CDH20: variants seen among roughly 807,000 people sequenced by gnomAD.
CDH20 encodes cadherin-20.
In CDH20, 29 loss-of-function variants were observed where a neutral mutation model predicts 74.2. The observed-to-expected ratio is 0.39, with a 90% CI of 0.29 to 0.53. CDH20 has a LOEUF of 0.53. Among genes scored for constraint, CDH20 ranks in the 20% least tolerant of loss-of-function variants. The pLI, the probability that CDH20 is intolerant of heterozygous loss-of-function variation, is 0.69. For missense variants in CDH20, 988 were observed against 1,048.3 expected (o/e 0.94, Z 0.79); for synonymous variants, 469 against 405.4 (o/e 1.16, Z -1.88).
At chr18:61,470,651 G>C (rs746103854) in intron 1 of CDH20, among the ~76,000 whole-genome samples, 5 of 152,114 alleles carry the variant, frequency 3.3e-5, no homozygotes, top group Non-Finnish European at 7.4e-5. Context: ...ACCAGATAGA[G>C]AAAGGACAAA....
chr18:61,538,614 G>GTTTTTTTTTTTTT (rs541920246), intron 8 of CDH20, among the ~76,000 whole-genome samples: 4 of 57,548 alleles, frequency 7.0e-5, no homozygotes, highest in African/African-American at 1.1e-4. Flanking sequence ...TTTTGTTTTT[G>GTTTTTTTTTTTTT]TTTTTGTTTT....
At chr18:61,455,822 T>G (rs1318028222) in intron 1 of CDH20, among the ~76,000 whole-genome samples, 1 of 152,140 alleles carries the variant, frequency 6.6e-6, no homozygotes, top group African/African-American at 2.4e-5. Flanking sequence ...TCATAAAGAG[T>G]GAACCTTATA....
intron 1 of CDH20, among the ~76,000 whole-genome samples, chr18:61,362,922 A>C (rs1311666906): frequency 2.0e-5 from 3 of 152,176 alleles, no homozygotes; most frequent in African/African-American, 4.8e-5. Context: ...GAAATGCATT[A>C]GGAGCAAAAT....
At chr18:61,530,727 TGC>T (rs1912608581) in intron 7 of CDH20, among the ~76,000 whole-genome samples, 1 of 152,232 alleles carries the variant, frequency 6.6e-6, no homozygotes, top group Non-Finnish European at 1.5e-5. Flanking sequence ...TTTTAATACA[TGC>T]TCAAGGACTT....
At chr18:61,408,169 GA>G (rs1912391191) in intron 1 of CDH20, among the ~76,000 whole-genome samples, 1 of 151,980 alleles carries the variant, frequency 6.6e-6, no homozygotes, top group Admixed American at 6.6e-5. Flanking sequence ...TATTAAGGGG[GA>G]AAATAGAAGT....
At chr18:61,470,946 A>T (rs1172910797) in intron 1 of CDH20, among the ~76,000 whole-genome samples, 1 of 152,074 alleles carries the variant, frequency 6.6e-6, no homozygotes, top group Non-Finnish European at 1.5e-5. Flanking sequence ...ACCAAATGAA[A>T]CTGTTGGAAT....
In CDH20 at chr18:61,507,456, A is replaced by C; in HGVS notation, c.913A>C (p.Ile305Leu). The change falls in exon 6 of 12, where the codon ATC (isoleucine) becomes CTC (leucine). Residue 305 changes from isoleucine to leucine, a missense_variant. By Grantham distance (5) the Ile-to-Leu change is conservative (BLOSUM62 2). Coordinates refer to ENST00000262717, the MANE Select transcript of CDH20 (RefSeq NM_031891.4). ...GTTTGCCAAGGACTTGGATGAAGGC[A>C]TCAATGCAGAGATGAAATATACTAT... ...RVFAKDLDEG[I>L]NAEMKYTIVD... The C allele has an allele frequency of 6.2e-7, 1 of 1,614,102 alleles. No individual in the cohort carries two copies. The highest frequency in any genetic ancestry group is 8.5e-7 in the Non-Finnish European group (1 of 1,179,956).
rs1568166063 is a variant in CDH20 at position 61,500,485 on chromosome 18, C to A, written c.644C>A (p.Ser215Tyr). The A allele has an allele frequency of 6.2e-7, 1 of 1,611,098 alleles. No individual in the cohort carries two copies. The highest frequency in any genetic ancestry group is 8.5e-7 in the Non-Finnish European group (1 of 1,178,062). Reference sequence around the variant, plus strand: ...ATTCTTCAGGGCCAGCCATATTTTTCTGTGGACTCTAAAACAGGTATCTGA... The same window carrying A: ...ATTCTTCAGGGCCAGCCATATTTTTATGTGGACTCTAAAACAGGTATCTGA... ...YSILQGQPYFSVDSKTGVIRT... is the reference protein window; with the variant it reads ...YSILQGQPYFYVDSKTGVIRT... Residue 215 changes from serine to tyrosine, a missense_variant, in exon 4 of 12, where the codon TCT becomes TAT. Physicochemically the swap from Ser to Tyr is moderately radical, Grantham distance 144. Coordinates refer to ENST00000262717, the MANE Select transcript of CDH20 (RefSeq NM_031891.4).
intron 1 of CDH20, among the ~76,000 whole-genome samples, chr18:61,358,374 C>T (rs1910570168): frequency 6.6e-6 from 1 of 152,186 alleles, no homozygotes; most frequent in Non-Finnish European, 1.5e-5. Flanking sequence ...CCCACCTCGG[C>T]CTCCCAGAGT....
intron 1 of CDH20, among the ~76,000 whole-genome samples, chr18:61,425,341 A>T (rs907714923): frequency 3.9e-5 from 6 of 152,196 alleles, no homozygotes; most frequent in African/African-American, 1.4e-4. Context: ...CCCATAGAAA[A>T]GAAAGTATCC....
At chr18:61,343,659 T>A (rs1329762572) in intron 1 of CDH20, among the ~76,000 whole-genome samples, 2 of 152,138 alleles carry the variant, frequency 1.3e-5, no homozygotes, top group South Asian at 2.1e-4. Flanking sequence ...CTCAACAACA[T>A]GCCTTCCACA....
intron 1 of CDH20, among the ~76,000 whole-genome samples, chr18:61,483,349 T>C (rs1000072670): frequency 6.6e-5 from 10 of 152,186 alleles, no homozygotes; most frequent in African/African-American, 2.4e-4. Flanking sequence ...GTGAGAGGCT[T>C]TGAGGCATTG....
chr18:61,542,210 C>A (rs921325892), intron 9 of CDH20, among the ~76,000 whole-genome samples: 2 of 152,256 alleles, frequency 1.3e-5, no homozygotes, highest in South Asian at 2.1e-4. Context: ...TGTCTCCAGG[C>A]AGGATAGGAC....
chr18:61,442,905 G>A (rs1305382044), intron 1 of CDH20, among the ~76,000 whole-genome samples: 8 of 29,618 alleles, frequency 2.7e-4, no homozygotes, highest in African/African-American at 6.1e-4. Context: ...CTAATTCCCC[G>A]GGATCCTGAA....
At chr18:61,456,762 A>G (rs1283386241) in intron 1 of CDH20, among the ~76,000 whole-genome samples, 1 of 152,188 alleles carries the variant, frequency 6.6e-6, no homozygotes, top group Non-Finnish European at 1.5e-5. Flanking sequence ...ACAAACATTT[A>G]TTTCTCACAG....
At position 61,404,776 on chromosome 18, in the gene CDH20, T is replaced by C. The variant is rs931298185; in HGVS notation, c.-153+70949T>C. On this transcript the variant is annotated intron_variant, in intron 1 of 11. Coordinates refer to ENST00000262717, the MANE Select transcript of CDH20 (RefSeq NM_031891.4). Reference sequence around the variant, plus strand: ...CAGTTAAAAAAATGGAACATTTGTTTAATTAAAAAAAAATTGTCAACTTTT... The same window carrying C: ...CAGTTAAAAAAATGGAACATTTGTTCAATTAAAAAAAAATTGTCAACTTTT... The C allele has an allele frequency of 3.1e-5, 10 of 324,030 alleles. No homozygotes were observed. The East Asian group carries it at 7.1e-4, about 23-fold the overall frequency. The allele number at this position is 324,030 out of a possible 1,614,324, so 20.1% of individuals were successfully genotyped here. A position where few individuals can be genotyped will look rare whatever the true frequency, so the allele number is the denominator to read the frequency against.
In CDH20 at chr18:61,485,120, G is replaced by A. The variant is rs79597103; in HGVS notation, c.-152-5282G>A. ...ATAATGAGAATTAGAATAAGCAAGA[G>A]TGGTGACCACCTTTTCCAAGAAATC... On this transcript the variant is annotated intron_variant, in intron 1 of 11. Transcript: ENST00000262717. Among the ~76,000 whole-genome samples, 20 of 152,064 alleles carry A rather than the reference G, an allele frequency of 1.3e-4. No homozygotes were observed. The East Asian group carries it at 3.9e-3, about 29-fold the overall frequency.
At chr18:61,429,715 G>A (rs186407349) in intron 1 of CDH20, among the ~76,000 whole-genome samples, 5 of 152,174 alleles carry the variant, frequency 3.3e-5, no homozygotes, top group East Asian at 3.9e-4. Context: ...AAATCACCTC[G>A]GCAATTCTCT....
chr18:61,336,499 T>C (rs922359403), intron 1 of CDH20, among the ~76,000 whole-genome samples: 5 of 152,160 alleles, frequency 3.3e-5, no homozygotes, highest in Admixed American at 3.3e-4. Context: ...TTTAAGTAAA[T>C]AGTTGGAAGT....
Sources: allele counts gnomAD v4.1 joint callset (sites outside exome capture counted in the v4.1 genomes callset), GRCh38; gene constraint gnomAD v4.1.1; transcripts MANE v1.5; gene names NCBI Gene and HGNC (gene_info 2026-07-23, HGNC 2026-07-21).